The following SENP5 variants were observed in gnomAD, a reference collection of about 807,000 sequenced individuals.
SENP5 encodes SUMO specific peptidase 5.
A neutral mutation model predicts 74.2 loss-of-function variants in SENP5; 21 were observed. That is an observed-to-expected ratio of 0.28 (90% CI 0.20 to 0.41). The LOEUF (loss-of-function observed/expected upper bound fraction) is 0.41. Among genes scored for constraint, SENP5 ranks in the 10% least tolerant of loss-of-function variants. SENP5 has a pLI of 1.00. For synonymous variants in SENP5, 311 were observed against 312.7 expected (o/e 0.99, Z 0.06); for missense variants, 717 against 889.1 (o/e 0.81, Z 2.46).
At chr3:196,869,844 CTT>C (rs10559181) in intron 1 of SENP5, among the ~76,000 whole-genome samples, 75,779 of 131,262 alleles carry the variant, frequency 0.58, 22,612 homozygotes, top group East Asian at 0.89. Context: ...CTAAATCAGC[CTT>C]TTTTTTTTTT....
rs555470579 is a variant in SENP5, at chr3:196,886,308, C to T, written c.1127C>T (p.Pro376Leu). ...TGTACAGAGCTGATTCATGACATCCCCTTACCAGAACATCGTTCTAATACC... is the reference window on the plus strand; with the variant it reads ...TGTACAGAGCTGATTCATGACATCCTCTTACCAGAACATCGTTCTAATACC... ...WECTELIHDI[P>L]LPEHRSNTMF... The change falls in exon 2 of 10, where the codon CCC (proline) becomes CTC (leucine). Residue 376 changes from proline to leucine, a missense_variant. Pro to Leu is a moderately conservative substitution (Grantham distance 98, BLOSUM62 -3). Around this residue, in one of 4 missense-constraint regions of SENP5, gnomAD observed 567 missense variants for 577.4 expected, o/e 0.98. Coordinates refer to ENST00000323460, the MANE Select transcript of SENP5 (RefSeq NM_152699.5). The T allele has an allele frequency of 6.2e-7, 1 of 1,614,078 alleles. No homozygotes were observed. Among genetic ancestry groups the T allele is most frequent in the Non-Finnish European group, 8.5e-7 (1 of 1,180,006 alleles).
intron 4 of SENP5, 23 bp from the exon 5 acceptor site, chr3:196,900,342 G>A: frequency 1.3e-6 from 2 of 1,592,706 alleles, no homozygotes; most frequent in Non-Finnish European, 1.7e-6. Context: ...ATAGTAAGCT[G>A]GTTTTATGTT....
chr3:196,933,020 GTT>G lies in SENP5; in HGVS notation c.*2111_*2112del, dbSNP rs71161976. On this transcript the variant is annotated 3_prime_UTR_variant, in exon 10 of 10. Transcript: ENST00000323460. ...ACTAAATGTTGAGTTTGGGTTTTTTGTTTTTTTTTTTTTTTGAGTCAGAGTCT... is the reference window on the plus strand; with the variant it reads ...ACTAAATGTTGAGTTTGGGTTTTTTGTTTTTTTTTTTTTGAGTCAGAGTCT... 4 of 121,122 alleles carry G rather than the reference GTT, an allele frequency of 3.3e-5. No homozygotes were observed. Among genetic ancestry groups the G allele is most frequent in the African/African-American group, 3.2e-5 (1 of 30,776 alleles). The allele number at this position is 121,122 out of a possible 1,614,324, so 7.5% of individuals were successfully genotyped here.
At chr3:196,881,145 A>G (rs1713711030) in intron 1 of SENP5, among the ~76,000 whole-genome samples, 1 of 151,766 alleles carries the variant, frequency 6.6e-6, no homozygotes, top group South Asian at 2.1e-4. Flanking sequence ...ATGGGGTTTC[A>G]TCATGTTGCC....
intron 2 of SENP5, 65 bp downstream of exon 2, chr3:196,886,759 T>TA: frequency 7.6e-7 from 1 of 1,323,654 alleles, no homozygotes; most frequent in Non-Finnish European, 1.0e-6. Flanking sequence ...TTATCCTTGC[T>TA]AATAAGAGTC....
chr3:196,912,949 C>G (rs569573593), intron 6 of SENP5: 1 of 152,092 alleles, frequency 6.6e-6, no homozygotes, highest in Non-Finnish European at 1.5e-5. Context: ...GAATATTAAT[C>G]ATATTAATAG....
At chr3:196,901,994 G>A (rs1714719607) in intron 5 of SENP5, among the ~76,000 whole-genome samples, 1 of 152,094 alleles carries the variant, frequency 6.6e-6, no homozygotes, top group Non-Finnish European at 1.5e-5. Flanking sequence ...TGGAGGTGGG[G>A]GACCACCGAT....
At chr3:196,876,940 G>A (rs1045589443) in intron 1 of SENP5, among the ~76,000 whole-genome samples, 5 of 152,072 alleles carry the variant, frequency 3.3e-5, no homozygotes, top group East Asian at 1.9e-4. Flanking sequence ...GTTATTTACC[G>A]TATATACTTG....
intron 1 of SENP5, among the ~76,000 whole-genome samples, chr3:196,874,150 A>T (rs1458784925): frequency 5.2e-5 from 7 of 135,604 alleles, no homozygotes; most frequent in African/African-American, 2.2e-4. Context: ...TTTTTTTTTA[A>T]AAAAAAAAAA....
chr3:196,870,225 G>A (rs368954310), intron 1 of SENP5, among the ~76,000 whole-genome samples: 1 of 152,192 alleles, frequency 6.6e-6, no homozygotes, highest in East Asian at 1.9e-4. Flanking sequence ...CAACTGGTAA[G>A]GTGGTCACAG....
chr3:196,903,470 T>C, intron 5 of SENP5, 63 bp from the exon 6 acceptor site: 2 of 1,037,092 alleles, frequency 1.9e-6, no homozygotes, highest in Non-Finnish European at 2.8e-6. Context: ...ATTTCCTCTT[T>C]TGAAGTTAAA....
At chr3:196,892,186 C>T (rs1469160865) in intron 2 of SENP5, among the ~76,000 whole-genome samples, 1 of 152,076 alleles carries the variant, frequency 6.6e-6, no homozygotes, top group Non-Finnish European at 1.5e-5. Flanking sequence ...CTCTGTCTCC[C>T]AGGCTAGAGT....
chr3:196,871,381 A>G (rs1200979653), intron 1 of SENP5, among the ~76,000 whole-genome samples: 2 of 152,160 alleles, frequency 1.3e-5, no homozygotes, highest in African/African-American at 2.4e-5. Flanking sequence ...AAGGGTTAGT[A>G]TGAACCCAGG....
At position 196,875,007 on chromosome 3, in the gene SENP5, A is replaced by G. The variant is rs145320804; in HGVS notation, c.-32+6934A>G. ...TTGGTTACTCTAAGCTGAAAACTGG[A>G]ATTCACATGATGTCCTCTTTTCAGA... On this transcript the variant is annotated intron_variant, in intron 1 of 9. Coordinates refer to ENST00000323460, the MANE Select transcript of SENP5 (RefSeq NM_152699.5). Among the ~76,000 whole-genome samples the G allele has an allele frequency of 2.0e-5, 3 of 152,324 alleles. No homozygotes were observed. The East Asian group carries it at 5.8e-4, about 29-fold the overall frequency.
At chr3:196,898,911 T>C (rs1022890907) in intron 2 of SENP5, among the ~76,000 whole-genome samples, 4 of 151,182 alleles carry the variant, frequency 2.6e-5, no homozygotes, top group Non-Finnish European at 4.4e-5. Flanking sequence ...CATTCGTCTC[T>C]ACTAAAAATA....
At chr3:196,919,404 C>T (rs1715520866) in intron 6 of SENP5, among the ~76,000 whole-genome samples, 1 of 152,174 alleles carries the variant, frequency 6.6e-6, no homozygotes, top group Admixed American at 6.6e-5. Context: ...TCGCTTGAAC[C>T]CTAGCAGCGG....
chr3:196,874,253 A>G (rs777788617), intron 1 of SENP5, among the ~76,000 whole-genome samples: 7 of 100,284 alleles, frequency 7.0e-5, no homozygotes, highest in Non-Finnish European at 9.9e-5. Context: ...ATCCAGAAGT[A>G]AAGTGCTTCA....
At chr3:196,868,524 G>T (rs570360991) in intron 1 of SENP5, among the ~76,000 whole-genome samples, 1 of 152,254 alleles carries the variant, frequency 6.6e-6, no homozygotes, top group Non-Finnish European at 1.5e-5. Context: ...GCATGAGCGC[G>T]GTGGGAGACG....
At chr3:196,921,950 A>G (rs1041251874) in intron 6 of SENP5, among the ~76,000 whole-genome samples, 1 of 152,238 alleles carries the variant, frequency 6.6e-6, no homozygotes, top group Non-Finnish European at 1.5e-5. Context: ...TATGTGGAGC[A>G]CTTACTACTT....
Sources: allele counts gnomAD v4.1 joint callset (sites outside exome capture counted in the v4.1 genomes callset), GRCh38; gene constraint gnomAD v4.1.1; regional missense constraint gnomAD v4.1.1; transcripts MANE v1.5; gene names NCBI Gene and HGNC (gene_info 2026-07-23, HGNC 2026-07-21).